Variants in C5orf34 observed in about 807,000 individuals in gnomAD.
C5orf34 encodes the protein uncharacterized protein C5orf34.
In C5orf34, 73 loss-of-function variants were observed where a neutral mutation model predicts 78.4. The ratio of observed to expected loss-of-function variants is 0.93; its 90% CI spans 0.77 to 1.13. The LOEUF (loss-of-function observed/expected upper bound fraction) is 1.13, where lower values mean the gene tolerates loss of function less well. Among genes scored for constraint, C5orf34 ranks in the 50% most tolerant of loss-of-function variants. The probability of loss-of-function intolerance (pLI) is 0.00; values close to 1 mark genes in which losing one functional copy is unlikely to be tolerated. For missense variants in C5orf34, 730 were observed against 732.7 expected, an observed-to-expected ratio of 1.00 and a Z score of 0.04; for synonymous variants, 251 against 246.6, an observed-to-expected ratio of 1.02 and a Z score of -0.17.
At chr5:43,512,925 G>T (rs1746335872) in intron 1 of C5orf34, among the ~76,000 whole-genome samples, 1 of 151,818 alleles carries the variant, frequency 6.6e-6, no homozygotes, top group Admixed American at 6.6e-5. Flanking sequence ...TGGGACTACA[G>T]GTGCGTGCCA....
chr5:43,508,773 G>T, intron 2 of C5orf34, 107 bp from the exon 3 acceptor site: 1 of 758,198 alleles, frequency 1.3e-6, no homozygotes, highest in Non-Finnish European at 2.2e-6. Context: ...TCATATTCTA[G>T]CCACGTCAAC....
At chr5:43,503,601 A>C in intron 5 of C5orf34, 64 bp downstream of exon 5, 1 of 1,068,286 alleles carries the variant, frequency 9.4e-7, no homozygotes. Flanking sequence ...GGCTCGTCCC[A>C]TCTTCTCTGT....
rs532357378 is a variant in C5orf34, at chr5:43,495,912, A to G, written c.1153-1311T>C. On this transcript the variant is annotated intron_variant, in intron 6 of 12. Coordinates refer to ENST00000306862, the MANE Select transcript of C5orf34 (RefSeq NM_198566.4). The stretch of plus-strand genomic sequence containing the variant: ...ACAAATGCTACTGTGTCAGGGTTGT[A>G]ACCAATTTTCTTAATGTAAGTGCTG... 9.5e-5 allele frequency: 152 copies of G among 1,592,558 alleles called. No homozygotes were observed. The African/African-American group carries it at 1.9e-3, about 19-fold the overall frequency.
At chr5:43,508,745 C>A in intron 2 of C5orf34, 79 bp from the exon 3 acceptor site, 2 of 875,384 alleles carry the variant, frequency 2.3e-6, no homozygotes, top group South Asian at 1.5e-5. Flanking sequence ...CAGTATAATC[C>A]ATAATACTAA....
At chr5:43,490,532 GT>G (rs1164626111) in intron 11 of C5orf34, 98 bp downstream of exon 11, 5 of 736,276 alleles carry the variant, frequency 6.8e-6, no homozygotes, top group African/African-American at 1.8e-5. Flanking sequence ...AACTAAGAAA[GT>G]TTTTTTGGGG....
chr5:43,510,616 T>A (rs1017729361), intron 1 of C5orf34, among the ~76,000 whole-genome samples: 1 of 152,206 alleles, frequency 6.6e-6, no homozygotes, highest in Non-Finnish European at 1.5e-5. Flanking sequence ...GGTTTTCATA[T>A]TTTTTTGGTG....
chr5:43,495,539 T>A, intron 6 of C5orf34: 1 of 1,611,544 alleles, frequency 6.2e-7, no homozygotes, highest in African/African-American at 1.3e-5. Context: ...GAAGCCCACA[T>A]TGTCCCCAGG....
intron 4 of C5orf34, among the ~76,000 whole-genome samples, chr5:43,505,024 T>A (rs1314228414): frequency 6.6e-6 from 1 of 152,190 alleles, no homozygotes; most frequent in African/African-American, 2.4e-5. Flanking sequence ...TTCCTCTACA[T>A]ATAGGGATGA....
At position 43,503,653 on chromosome 5, in the gene C5orf34, T is replaced by A; in HGVS notation, c.1028+12A>T. On this transcript the variant is annotated intron_variant, in intron 5 of 12. Transcript: ENST00000306862. ...TCTAACTCCAACATAGAAGCCAACA[T>A]AGGTGCCTTACCTATATGTAACACC... is the stretch of plus-strand genomic sequence containing the variant. The A allele has an allele frequency of 6.4e-7, 1 of 1,555,508 alleles. No individual in the cohort carries two copies. The highest frequency in any genetic ancestry group is 8.9e-7 in the Non-Finnish European group (1 of 1,126,642).
chr5:43,512,877 G>T (rs1212787536), intron 1 of C5orf34, among the ~76,000 whole-genome samples: 1 of 143,396 alleles, frequency 7.0e-6, no homozygotes, highest in Admixed American at 7.4e-5. Context: ...CTGCCTCCCG[G>T]GTTCAAGTGA....
intron 1 of C5orf34, among the ~76,000 whole-genome samples, chr5:43,509,946 G>A (rs773912851): frequency 6.6e-6 from 1 of 151,858 alleles, no homozygotes; most frequent in Non-Finnish European, 1.5e-5. Context: ...GTAGAGACGG[G>A]GTTTTACCAT....
chr5:43,511,784 T>C (rs1746271500), intron 1 of C5orf34, among the ~76,000 whole-genome samples: 2 of 152,102 alleles, frequency 1.3e-5, no homozygotes, highest in Non-Finnish European at 2.9e-5. Flanking sequence ...TTAAATGGAT[T>C]AAGGGCAGTG....
chr5:43,495,022 C>A, intron 6 of C5orf34: 6 of 1,367,752 alleles, frequency 4.4e-6, no homozygotes, highest in Non-Finnish European at 6.2e-6. Flanking sequence ...GTTCTGAGAC[C>A]ATTCTTCCAC....
In C5orf34 at chr5:43,514,988, C is replaced by T. The variant is rs562713343; in HGVS notation, c.-219G>A. On this transcript the variant is annotated 5_prime_UTR_variant, in exon 1 of 13. Coordinates refer to ENST00000306862, the MANE Select transcript of C5orf34 (RefSeq NM_198566.4). ...TTGGTGAAAGAAAAAAATCACAACC[C>T]TAGAGGAATAAGGTGGCAGGGAGAG... 1 of 152,266 alleles carries T rather than the reference C, an allele frequency of 6.6e-6. No homozygotes were observed. The highest frequency in any genetic ancestry group is 1.9e-4 in the East Asian group (1 of 5,176). 9.4% of individuals were successfully genotyped at this position (152,266 alleles called of 1,614,324 possible).
rs943402560 is a variant in C5orf34, at chr5:43,486,931, G to T, written c.1901C>A (p.Ser634Ter). The T allele has an allele frequency of 3.3e-6, 5 of 1,519,456 alleles. No individual in the cohort carries two copies. In the African/African-American group the frequency reaches 7.1e-5, roughly 22 times the overall value. 94.1% of individuals were successfully genotyped at this position (1,519,456 alleles called of 1,614,324 possible). Residue 634 changes from serine (S) to a stop codon, truncating the protein, a stop_gained, in exon 13 of 13, where the codon TCA (serine) becomes TAA (stop). Coordinates refer to ENST00000306862, the MANE Select transcript of C5orf34 (RefSeq NM_198566.4). LOFTEE classifies it high-confidence loss of function. The stretch of plus-strand genomic sequence containing the variant: ...TTCCATTTTTCACTTTTTAGAGTTT[G>T]ATAGAAGACAGTCAATATCGTGAAG... ...EILHDIDCLL[S>*]NSKK is the part of the protein sequence containing the mutation.
chr5:43,487,932 A>G lies in C5orf34; in HGVS notation c.1697T>C (p.Leu566Pro). The G allele has an allele frequency of 6.2e-7, 1 of 1,605,662 alleles. No homozygotes were observed. Among genetic ancestry groups the G allele is most frequent in the Non-Finnish European group, 8.5e-7 (1 of 1,174,616 alleles). Residue 566 changes from leucine to proline, a missense_variant, in exon 12 of 13, where the codon CTT becomes CCT. Transcript: ENST00000306862. ...LQENWSVASE[L>P]EKIQKFNLLL... The stretch of plus-strand genomic sequence containing the variant: ...ACAGTTAAACTTCTGTATCTTTTCA[A>G]GTTCAGAAGCAACAGACCTGTCCAA...
At chr5:43,505,235 C>G (rs1188414531) in intron 4 of C5orf34, among the ~76,000 whole-genome samples, 1 of 152,122 alleles carries the variant, frequency 6.6e-6, no homozygotes, top group African/African-American at 2.4e-5. Context: ...CCGTGTGTAC[C>G]CCTTTTGAAA....
At chr5:43,494,705 G>A (rs1192583300) in intron 6 of C5orf34, 104 bp from the exon 7 acceptor site, 8 of 563,476 alleles carry the variant, frequency 1.4e-5, no homozygotes, top group East Asian at 3.0e-5. Context: ...GACAAGACGA[G>A]TAGTTATTTT....
At position 43,506,419 on chromosome 5, in the gene C5orf34, G is replaced by A. The variant is rs145151666; in HGVS notation, c.286-25C>T. The A allele has an allele frequency of 2.4e-5, 37 of 1,556,312 alleles. No homozygotes were observed. The Middle Eastern group carries it at 1.0e-3, about 44-fold the overall frequency. On this transcript the variant is annotated intron_variant, in intron 3 of 12. Coordinates refer to ENST00000306862, the MANE Select transcript of C5orf34 (RefSeq NM_198566.4). Reference sequence around the variant, plus strand: ...GCTGCAAGGAGAGGGGAAAAGAGACGGTGAGTATTTTCTGTTAACAGTCCA... The same window carrying A: ...GCTGCAAGGAGAGGGGAAAAGAGACAGTGAGTATTTTCTGTTAACAGTCCA...
Sources: allele counts gnomAD v4.1 joint callset (sites outside exome capture counted in the v4.1 genomes callset), GRCh38; gene constraint gnomAD v4.1.1; transcripts MANE v1.5; gene names NCBI Gene and HGNC (gene_info 2026-07-23, HGNC 2026-07-21).